FBXO8: variants seen among roughly 807,000 people sequenced by gnomAD.
The protein encoded by FBXO8 is F-box only protein 8.
In FBXO8, 15 loss-of-function variants were observed where a neutral mutation model predicts 33.4. That is an observed-to-expected ratio of 0.45 (90% confidence interval 0.30 to 0.69). The LOEUF is 0.69. Ranked by LOEUF, FBXO8 falls within the 30% of genes least tolerant of loss-of-function variation. The pLI is 0.08. For synonymous variants in FBXO8, 132 were observed against 131.5 expected, an observed-to-expected ratio of 1.00 and a Z score of -0.02; for missense variants, 274 against 380.3, an observed-to-expected ratio of 0.72 and a Z score of 2.32.
chr4:174,262,918 C>T lies in FBXO8; in HGVS notation c.175G>A (p.Ala59Thr). ...GGIDIYHLLK[A>T]RKSKEQEGFI... ...CCTTCCTGTTCTTTCGATTTCCTTG[C>T]CTTCAAAAGATGATATATGTCAATG... Residue 59 changes from alanine to threonine, a missense_variant, in exon 2 of 6, where the codon GCA becomes ACA. Ala to Thr is a moderately conservative substitution (Grantham distance 58). Coordinates refer to ENST00000393674, the MANE Select transcript of FBXO8 (RefSeq NM_012180.3). This position sits in a 1 kb window ranked among gnomAD's most constrained non-coding sequence, Gnocchi z 4.6. The T allele has an allele frequency of 6.2e-7, 1 of 1,614,030 alleles. No individual in the cohort carries two copies. The highest frequency in any genetic ancestry group is 8.5e-7 in the Non-Finnish European group (1 of 1,179,940).
chr4:174,251,051 A>T lies in FBXO8; in HGVS notation c.456+8648T>A, dbSNP rs892266010. Among the ~76,000 whole-genome samples, 2 of 152,152 alleles carry T rather than the reference A, an allele frequency of 1.3e-5. No individual in the cohort carries two copies. Among genetic ancestry groups the T allele is most frequent in the African/African-American group, 4.8e-5 (2 of 41,446 alleles). ...TAAAAAGCTCAATGTACCACTGTAA[A>T]GTCTCTAGTTACAATTACTTAAATT... On this transcript the variant is annotated intron_variant, in intron 3 of 5. Coordinates refer to ENST00000393674, the MANE Select transcript of FBXO8 (RefSeq NM_012180.3). The surrounding 1 kb of genome is among the most constrained non-coding windows in gnomAD (Gnocchi z 4.2).
intron 5 of FBXO8, among the ~76,000 whole-genome samples, chr4:174,238,604 T>C (rs1735943613): frequency 6.6e-6 from 1 of 151,078 alleles, no homozygotes; most frequent in Non-Finnish European, 1.5e-5. Context: ...TATATGTCTA[T>C]ATGTGTATAT....
rs1405073159 is a variant in FBXO8 at position 174,267,972 on chromosome 4, T to A, written c.-8-4872A>T. On this transcript the variant is annotated intron_variant, in intron 1 of 5. Transcript: ENST00000393674. This position sits in a 1 kb window ranked among gnomAD's most constrained non-coding sequence, Gnocchi z 4.7. ...TTTGTGATGAAACTACAGCTTTATT[T>A]GTTCACTCAAAATAGGTGGAGAAAA... Among the ~76,000 whole-genome samples the A allele has an allele frequency of 6.6e-6, 1 of 152,260 alleles. No individual in the cohort carries two copies. Among genetic ancestry groups the A allele is most frequent in the African/African-American group, 2.4e-5 (1 of 41,472 alleles).
At position 174,239,187 on chromosome 4, in the gene FBXO8, T is replaced by G; in HGVS notation, c.579A>C (p.Arg193Ser). Residue 193 changes from arginine (R) to serine (S), a missense_variant, in exon 5 of 6, where the codon AGA becomes AGC. Physicochemically the swap from Arg to Ser is moderately radical, Grantham distance 110. Around this residue, in one of 2 missense-constraint regions of FBXO8, gnomAD observed 186 missense variants for 293.4 expected, o/e 0.63. Coordinates refer to ENST00000393674, the MANE Select transcript of FBXO8 (RefSeq NM_012180.3). The part of the protein sequence containing the change: ...KKLRIYLDER[R>S]DVLDDLVTLH... ...ATGTTACAAGGTCATCCAAGACATC[T>G]CTCCTACAGAAAGAAAAAAAGGCAC... 6.6e-7 allele frequency: 1 copy of G among 1,519,744 alleles called. No homozygotes were observed. The highest frequency in any genetic ancestry group is 2.1e-5 in the Admixed American group (1 of 47,688). 94.1% of individuals were successfully genotyped at this position (1,519,744 alleles called of 1,614,324 possible). A position where few individuals can be genotyped will look rare whatever the true frequency, so the allele number is the denominator to read the frequency against.
chr4:174,271,756 A>G (rs993986145), intron 1 of FBXO8, among the ~76,000 whole-genome samples: 1 of 152,214 alleles, frequency 6.6e-6, no homozygotes, highest in African/African-American at 2.4e-5. Context: ...TCAAAGATCC[A>G]ATGTTCAAGC....
intron 1 of FBXO8, among the ~76,000 whole-genome samples, chr4:174,266,630 T>C (rs925177843): frequency 6.6e-6 from 1 of 152,128 alleles, no homozygotes; most frequent in Non-Finnish European, 1.5e-5. Flanking sequence ...AAGCAAGTCA[T>C]GGAGGGAGTA....
chr4:174,239,195 A>G lies in FBXO8; in HGVS notation c.576-5T>C. The G allele has an allele frequency of 2.0e-6, 3 of 1,515,278 alleles. No homozygotes were observed. Among genetic ancestry groups the G allele is most frequent in the South Asian group, 1.3e-5 (1 of 75,524 alleles). The allele number at this position is 1,515,278 out of a possible 1,614,324, so 93.9% of individuals were successfully genotyped here. A position where few individuals can be genotyped will look rare whatever the true frequency, so the allele number is the denominator to read the frequency against. ...AGGTCATCCAAGACATCTCTCCTACAGAAAGAAAAAAAGGCACAGCTTTGG... is the reference window on the plus strand; with the variant it reads ...AGGTCATCCAAGACATCTCTCCTACGGAAAGAAAAAAAGGCACAGCTTTGG... On this transcript the variant is annotated splice_region_variant and splice_polypyrimidine_tract_variant and intron_variant, in intron 4 of 5. Transcript: ENST00000393674.
intron 1 of FBXO8, among the ~76,000 whole-genome samples, chr4:174,268,679 G>A (rs1053449252): frequency 1.2e-4 from 19 of 152,180 alleles, no homozygotes; most frequent in Admixed American, 2.6e-4. Flanking sequence ...CTCGTGATCC[G>A]CCCGCCTTGG....
chr4:174,279,874 G>C (rs1174264118), intron 1 of FBXO8, among the ~76,000 whole-genome samples: 1 of 151,862 alleles, frequency 6.6e-6, no homozygotes, highest in African/African-American at 2.4e-5. Context: ...TTAAATCTAA[G>C]ACATAAAACT....
At chr4:174,264,686 C>G (rs1448801873) in intron 1 of FBXO8, among the ~76,000 whole-genome samples, 2 of 151,702 alleles carry the variant, frequency 1.3e-5, no homozygotes, top group East Asian at 1.9e-4. Flanking sequence ...AATGTAGGCA[C>G]ATTTGTTTTT....
Position 174,241,132 on chromosome 4 carries a change from A to G in FBXO8, c.543T>C (p.Asn181=). 1 of 1,607,242 alleles carries G rather than the reference A, an allele frequency of 6.2e-7. No individual in the cohort carries two copies. ...AKFIFCTRTL[N]WKKLRIYLDE... The stretch of plus-strand genomic sequence containing the variant: ...CAAGATAGATTCTCAGTTTTTTCCA[A>G]TTTAGTGTTCTTGTACAGAAGATAA... The change falls in exon 4 of 6, where the codon AAT becomes AAC. Residue 181 remains asparagine, a synonymous_variant. Coordinates refer to ENST00000393674, the MANE Select transcript of FBXO8 (RefSeq NM_012180.3). The surrounding 1 kb of genome is among the most constrained non-coding windows in gnomAD (Gnocchi z 4.2).
In FBXO8 at chr4:174,238,977, AATAT is replaced by A. The variant is rs1320170704; in HGVS notation, c.772+13_772+16del. 1 of 1,436,316 alleles carries A rather than the reference AATAT, an allele frequency of 7.0e-7. No homozygotes were observed. Among genetic ancestry groups the A allele is most frequent in the Non-Finnish European group, 9.3e-7 (1 of 1,078,146 alleles). The allele number at this position is 1,436,316 out of a possible 1,614,324, so 89.0% of individuals were successfully genotyped here. A position where few individuals can be genotyped will look rare whatever the true frequency, so the allele number is the denominator to read the frequency against. On this transcript the variant is annotated intron_variant, in intron 5 of 5. Coordinates refer to ENST00000393674, the MANE Select transcript of FBXO8 (RefSeq NM_012180.3). Reference sequence around the variant, plus strand: ...GATGGGCAGGGGGTGATGTACTATTAATATATATATTCTTACCAGGACTAAGGCC... The same window carrying A: ...GATGGGCAGGGGGTGATGTACTATTAATATATTCTTACCAGGACTAAGGCC...
intron 1 of FBXO8, among the ~76,000 whole-genome samples, chr4:174,282,967 GCAATC>G (rs1273950197): frequency 6.6e-6 from 1 of 152,162 alleles, no homozygotes; most frequent in Non-Finnish European, 1.5e-5. Context: ...GTAGCAGCTA[GCAATC>G]CATCGTGATC....
chr4:174,260,736 C>A (rs1736539049), intron 2 of FBXO8, among the ~76,000 whole-genome samples: 1 of 151,884 alleles, frequency 6.6e-6, no homozygotes, highest in Non-Finnish European at 1.5e-5. Context: ...TTCTGGATAT[C>A]CACCAAAAAG....
chr4:174,279,471 A>G (rs1737025547), intron 1 of FBXO8, among the ~76,000 whole-genome samples: 1 of 152,144 alleles, frequency 6.6e-6, no homozygotes, highest in African/African-American at 2.4e-5. Flanking sequence ...TGCCAAAATT[A>G]TAATGACGTT....
In FBXO8 at chr4:174,256,933, C is replaced by T. The variant is rs1187311090; in HGVS notation, c.456+2766G>A. Among the ~76,000 whole-genome samples, 1 of 151,484 alleles carries T rather than the reference C, an allele frequency of 6.6e-6. No individual in the cohort carries two copies. The highest frequency in any genetic ancestry group is 1.5e-5 in the Non-Finnish European group (1 of 67,850). On this transcript the variant is annotated intron_variant, in intron 3 of 5. Transcript: ENST00000393674. This position sits in a 1 kb window ranked among gnomAD's most constrained non-coding sequence, Gnocchi z 4.6. ...CAGGGAGTAAAAAAAAAAGAAAATA[C>T]AGCCAACTCTCAATAACAATGGAAG...
In FBXO8 at chr4:174,263,082, C is replaced by G. The variant is rs1309178355; in HGVS notation, c.11G>C (p.Gly4Ala). The stretch of plus-strand genomic sequence containing the variant: ...CTGGTTTCTGACCACTCTCCACAAC[C>G]CTTGACCCATCTGCAAGCCTGGGAA... MGQ[G>A]LWRVVRNQQL... The change falls in exon 2 of 6, where the codon GGG becomes GCG. Residue 4 changes from glycine (G) to alanine (A), a missense_variant. Physicochemically the swap from Gly to Ala is moderately conservative, Grantham distance 60 (BLOSUM62 0). Transcript: ENST00000393674. The surrounding 1 kb of genome is among the most constrained non-coding windows in gnomAD (Gnocchi z 4.2). The G allele has an allele frequency of 4.3e-6, 7 of 1,611,368 alleles. No individual in the cohort carries two copies. In the South Asian group the frequency reaches 6.6e-5, roughly 15 times the overall value.
At chr4:174,273,956 G>A (rs1736896609) in intron 1 of FBXO8, among the ~76,000 whole-genome samples, 1 of 152,168 alleles carries the variant, frequency 6.6e-6, no homozygotes, top group Admixed American at 6.5e-5. Context: ...AGAAGTCAAA[G>A]CTGGAAAAAT....
At position 174,273,286 on chromosome 4, in the gene FBXO8, C is replaced by T. The variant is rs571425481; in HGVS notation, c.-9+10124G>A. Among the ~76,000 whole-genome samples, 45 of 129,378 alleles carry T rather than the reference C, an allele frequency of 3.5e-4. 1 individual carries two copies. The South Asian group carries it at 0.01, about 30-fold the overall frequency. The allele number at this position is 129,378 out of a possible 152,430, so 84.9% of individuals were successfully genotyped here. A position where few individuals can be genotyped will look rare whatever the true frequency, so the allele number is the denominator to read the frequency against. The stretch of plus-strand genomic sequence containing the variant: ...TGAGTGACGGAGCAAAACTCTGTTC[C>T]TAAAAAATAAATCAATAATGCCAAT... On this transcript the variant is annotated intron_variant, in intron 1 of 5. Transcript: ENST00000393674.
Sources: allele counts gnomAD v4.1 joint callset (sites outside exome capture counted in the v4.1 genomes callset), GRCh38; gene constraint gnomAD v4.1.1; regional missense constraint gnomAD v4.1.1; non-coding constraint Gnocchi (gnomAD v3.1); transcripts MANE v1.5; gene names NCBI Gene and HGNC (gene_info 2026-07-23, HGNC 2026-07-21).